The following CSK variants were observed in gnomAD, a reference collection of about 807,000 sequenced individuals.
CSK encodes the protein C-terminal Src kinase, also known as tyrosine-protein kinase CSK.
Under a neutral mutation model 62.3 loss-of-function variants are expected in CSK, and 7 were observed. The observed-to-expected ratio is 0.11, with a 90% CI of 0.06 to 0.21. CSK has a LOEUF of 0.21. CSK is among the 10% of genes least tolerant of loss of function. The pLI, the probability that CSK is intolerant of heterozygous loss-of-function variation, is 1.00. For synonymous variants in CSK, 237 were observed against 246.0 expected (o/e 0.96, Z 0.34); for missense variants, 294 against 613.5 (o/e 0.48, Z 5.50).
chr15:74,791,524 T>C (rs2063620096), intron 1 of CSK, among the ~76,000 whole-genome samples: 1 of 152,182 alleles, frequency 6.6e-6, no homozygotes. Flanking sequence ...CTTAAGAAAA[T>C]TGACATTAAT....
chr15:74,801,122 C>T lies in CSK; in HGVS notation c.813+20C>T, dbSNP rs371619768. On this transcript the variant is annotated intron_variant, in intron 9 of 12. Coordinates refer to ENST00000220003, the MANE Select transcript of CSK (RefSeq NM_004383.3). The stretch of plus-strand genomic sequence containing the variant: ...GCCAAGGTGGGCACCTGCCGAGACC[C>T]GGCACTCAGGCCTTCCAACTGCCCC... 9.4e-5 allele frequency: 151 copies of T among 1,612,622 alleles called. No individual in the cohort carries two copies. The highest frequency in any genetic ancestry group is 1.1e-4 in the Non-Finnish European group (132 of 1,179,656).
chr15:74,796,705 G>A (rs775098275), intron 1 of CSK, among the ~76,000 whole-genome samples: 2 of 152,038 alleles, frequency 1.3e-5, no homozygotes, highest in Admixed American at 1.3e-4. Flanking sequence ...TGTGCCGATC[G>A]CAATGGTACA....
At chr15:74,789,431 T>C (rs910898391) in intron 1 of CSK, among the ~76,000 whole-genome samples, 1 of 152,148 alleles carries the variant, frequency 6.6e-6, no homozygotes, top group Admixed American at 6.5e-5. Flanking sequence ...TGATGTGTGG[T>C]GGGGAATGTC....
intron 1 of CSK, among the ~76,000 whole-genome samples, chr15:74,788,341 G>A (rs2063556776): frequency 6.6e-6 from 1 of 152,154 alleles, no homozygotes; most frequent in Non-Finnish European, 1.5e-5. Flanking sequence ...TTTTCAGGGT[G>A]TCGTCTGTCC....
chr15:74,798,533 G>A lies in CSK; in HGVS notation c.16-82G>A, dbSNP rs1347111488. The A allele has an allele frequency of 7.3e-7, 1 of 1,378,896 alleles. No individual in the cohort carries two copies. The highest frequency in any genetic ancestry group is 1.0e-6 in the Non-Finnish European group (1 of 981,054). The allele number at this position is 1,378,896 out of a possible 1,614,324, so 85.4% of individuals were successfully genotyped here. On this transcript the variant is annotated intron_variant, in intron 2 of 12. Coordinates refer to ENST00000220003, the MANE Select transcript of CSK (RefSeq NM_004383.3). The surrounding 1 kb of genome is among the most constrained non-coding windows in gnomAD (Gnocchi z 6.6). Reference sequence around the variant, plus strand: ...ACCCAGGCTCACAGAGGCCAGCTCAGAGGCTGTGACCACGAGGGTGCGCCA... The same window carrying A: ...ACCCAGGCTCACAGAGGCCAGCTCAAAGGCTGTGACCACGAGGGTGCGCCA...
intron 1 of CSK, among the ~76,000 whole-genome samples, chr15:74,786,491 C>T (rs1262146792): frequency 6.6e-6 from 1 of 152,196 alleles, no homozygotes; most frequent in East Asian, 1.9e-4. Flanking sequence ...CACCCTGTTC[C>T]AGTAGCCAAG....
intron 1 of CSK, among the ~76,000 whole-genome samples, chr15:74,794,154 C>G (rs1350424693): frequency 8.8e-6 from 1 of 113,822 alleles, no homozygotes; most frequent in East Asian, 3.7e-4. Flanking sequence ...GTCCTCACCA[C>G]CCCCACCCTC....
Position 74,799,291 on chromosome 15 carries a change from A to G in CSK, c.262A>G (p.Thr88Ala). The part of the protein sequence containing the change: ...SLMPWFHGKI[T>A]REQAERLLYP... ...CCCCAGTTGGTTCCACGGCAAGATC[A>G]CACGGGAGCAGGCTGAGCGGCTTCT... Residue 88 changes from threonine (T) to alanine (A), a missense_variant, in exon 5 of 13, where the codon ACA (threonine) becomes GCA (alanine). By Grantham distance (58) the Thr-to-Ala change is moderately conservative. Coordinates refer to ENST00000220003, the MANE Select transcript of CSK (RefSeq NM_004383.3). The G allele has an allele frequency of 6.2e-7, 1 of 1,610,382 alleles. No homozygotes were observed. The highest frequency in any genetic ancestry group is 8.5e-7 in the Non-Finnish European group (1 of 1,179,160).
chr15:74,793,710 G>A (rs183816845), intron 1 of CSK, among the ~76,000 whole-genome samples: 11 of 152,336 alleles, frequency 7.2e-5, no homozygotes, highest in Middle Eastern at 3.4e-3. Context: ...TCAGAAAACA[G>A]GGCCTGTTAT....
chr15:74,800,398 C>G lies in CSK; in HGVS notation c.463-14C>G. On this transcript the variant is annotated splice_polypyrimidine_tract_variant and intron_variant, in intron 5 of 12. Transcript: ENST00000220003. The stretch of plus-strand genomic sequence containing the variant: ...TGGGCTGTCTCTGAGCACCCTGCCC[C>G]CCACACCCTGCAGCACTACACCTCA... 6.2e-7 allele frequency: 1 copy of G among 1,612,716 alleles called. No homozygotes were observed. The highest frequency in any genetic ancestry group is 2.2e-5 in the East Asian group (1 of 44,848).
Position 74,802,763 on chromosome 15 carries a change from C to G in CSK, c.*250C>G, listed in dbSNP as rs2063813317. 1 of 447,344 alleles carries G rather than the reference C, an allele frequency of 2.2e-6. No homozygotes were observed. Among genetic ancestry groups the G allele is most frequent in the Admixed American group, 4.5e-5 (1 of 22,260 alleles). 27.7% of individuals were successfully genotyped at this position (447,344 alleles called of 1,614,324 possible). On this transcript the variant is annotated 3_prime_UTR_variant, in exon 13 of 13. Coordinates refer to ENST00000220003, the MANE Select transcript of CSK (RefSeq NM_004383.3). The stretch of plus-strand genomic sequence containing the variant: ...GGAGGCAGCGCCCCACCACGTCGGG[C>G]TTCCCTGGCCTCCCGCCACTCGCCT...
At chr15:74,789,595 A>G (rs771664202) in intron 1 of CSK, among the ~76,000 whole-genome samples, 8 of 152,146 alleles carry the variant, frequency 5.3e-5, no homozygotes, top group Non-Finnish European at 8.8e-5. Flanking sequence ...TTCTGCCTGT[A>G]TCTGTACTAT....
At chr15:74,801,123 G>A (rs753454254) in intron 9 of CSK, 21 bp downstream of exon 9, 10 of 1,612,548 alleles carry the variant, frequency 6.2e-6, no homozygotes, top group South Asian at 2.2e-5. Flanking sequence ...GCCGAGACCC[G>A]GCACTCAGGC....
intron 1 of CSK, among the ~76,000 whole-genome samples, chr15:74,783,125 C>G (rs2063462505): frequency 2.0e-5 from 3 of 152,214 alleles, no homozygotes; most frequent in African/African-American, 4.8e-5. Context: ...GTTCTGACCC[C>G]TCCCTCATTA....
Position 74,802,517 on chromosome 15 carries a change from C to T in CSK, c.*4C>T. On this transcript the variant is annotated 3_prime_UTR_variant, in exon 13 of 13. Transcript: ENST00000220003. ...AACCCACGAGCTGCACCTGTGACGG[C>T]TGGCCTCCGCCTGGGTCATGGGCCT... The T allele has an allele frequency of 1.9e-6, 3 of 1,611,866 alleles. No homozygotes were observed. The highest frequency in any genetic ancestry group is 2.5e-6 in the Non-Finnish European group (3 of 1,179,606).
rs377449027 is a variant in CSK at position 74,800,942 on chromosome 15, G to C, written c.722+20G>C. ...CATGACGTGAGTGGGGGCGGGGTAGGGGGGAGGTTGGCCTAGGTTAGGAGT... is the reference window on the plus strand; with the variant it reads ...CATGACGTGAGTGGGGGCGGGGTAGCGGGGAGGTTGGCCTAGGTTAGGAGT... On this transcript the variant is annotated intron_variant, in intron 8 of 12. Transcript: ENST00000220003. 1.3e-4 allele frequency: 202 copies of C among 1,612,764 alleles called. No homozygotes were observed. Among genetic ancestry groups the C allele is most frequent in the Admixed American group, 3.0e-4 (18 of 60,006 alleles).
intron 1 of CSK, among the ~76,000 whole-genome samples, chr15:74,792,711 C>G (rs1447214901): frequency 1.3e-5 from 2 of 152,190 alleles, no homozygotes; most frequent in African/African-American, 4.8e-5. Context: ...AGGAGGGGAC[C>G]CCGGCCTAGG....
Position 74,798,510 on chromosome 15 carries a change from C to T in CSK, c.16-105C>T. 1 of 1,271,474 alleles carries T rather than the reference C, an allele frequency of 7.9e-7. No individual in the cohort carries two copies. Among genetic ancestry groups the T allele is most frequent in the Non-Finnish European group, 1.1e-6 (1 of 889,542 alleles). 78.8% of individuals were successfully genotyped at this position (1,271,474 alleles called of 1,614,324 possible). ...TCGTTCTCCGGGCAGAGCACCTCAC[C>T]CAGGCTCACAGAGGCCAGCTCAGAG... On this transcript the variant is annotated intron_variant, in intron 2 of 12. Transcript: ENST00000220003. The surrounding 1 kb of genome is among the most constrained non-coding windows in gnomAD (Gnocchi z 6.6).
chr15:74,801,534 G>C lies in CSK; in HGVS notation c.826G>C (p.Asp276His). The C allele has an allele frequency of 6.2e-7, 1 of 1,613,398 alleles. No individual in the cohort carries two copies. The highest frequency in any genetic ancestry group is 8.5e-7 in the Non-Finnish European group (1 of 1,179,580). The change falls in exon 10 of 13, where the codon GAC becomes CAC. Residue 276 changes from aspartate (D) to histidine (H), a missense_variant. Transcript: ENST00000220003. ...TEYMAKGSLV[D>H]YLRSRGRSVL... ...TTCCTGCCCCCAGGGGAGCCTTGTG[G>C]ACTACCTGCGGTCTAGGGGTCGGTC...
Sources: allele counts gnomAD v4.1 joint callset (sites outside exome capture counted in the v4.1 genomes callset), GRCh38; gene constraint gnomAD v4.1.1; non-coding constraint Gnocchi (gnomAD v3.1); transcripts MANE v1.5; gene names NCBI Gene and HGNC (gene_info 2026-07-23, HGNC 2026-07-21).